Variants in MB21D2 observed in about 807,000 individuals in gnomAD.
MB21D2 encodes nucleotidyltransferase MB21D2.
MB21D2 carries 9 observed loss-of-function variants against 33.3 expected under a neutral mutation model. The observed-to-expected ratio is 0.27, with a 90% CI of 0.16 to 0.47. The LOEUF (loss-of-function observed/expected upper bound fraction) is 0.47, where lower values mean the gene tolerates loss of function less well. Ranked by LOEUF, MB21D2 falls within the 20% of genes least tolerant of loss-of-function variation. The pLI is 0.99. For synonymous variants in MB21D2, 241 were observed against 236.3 expected, an observed-to-expected ratio of 1.02 and a Z score of -0.18; for missense variants, 540 against 624.6, an observed-to-expected ratio of 0.86 and a Z score of 1.44.
At chr3:192,802,092 C>A (rs2108608549) in intron 1 of MB21D2, among the ~76,000 whole-genome samples, 1 of 152,334 alleles carries the variant, frequency 6.6e-6, no homozygotes, top group East Asian at 1.9e-4. Context: ...TGCTTAAATG[C>A]TAGCCCTTAA....
intron 1 of MB21D2, among the ~76,000 whole-genome samples, chr3:192,812,356 G>A (rs575381119): frequency 6.6e-6 from 1 of 152,056 alleles, no homozygotes; most frequent in East Asian, 1.9e-4. Flanking sequence ...TTAGTGTAGT[G>A]TTTACACTAA....
chr3:192,862,649 T>C (rs891278841), intron 1 of MB21D2, among the ~76,000 whole-genome samples: 1 of 152,162 alleles, frequency 6.6e-6, no homozygotes, highest in Non-Finnish European at 1.5e-5. Context: ...AGAGTCTTTG[T>C]AGGGTGCTCA....
intron 1 of MB21D2, among the ~76,000 whole-genome samples, chr3:192,898,485 G>A (rs555444724): frequency 1.9e-4 from 29 of 152,278 alleles, no homozygotes; most frequent in African/African-American, 6.0e-4. Context: ...GACTAGGAAG[G>A]AAAGATAAGT....
At chr3:192,812,772 G>A (rs1711816014) in intron 1 of MB21D2, among the ~76,000 whole-genome samples, 1 of 152,128 alleles carries the variant, frequency 6.6e-6, no homozygotes, top group African/African-American at 2.4e-5. Context: ...CCTCATCAGG[G>A]AAGCAGGAGA....
intron 1 of MB21D2, among the ~76,000 whole-genome samples, chr3:192,854,976 T>G (rs1712884727): frequency 6.6e-6 from 1 of 152,248 alleles, no homozygotes; most frequent in South Asian, 2.1e-4. Flanking sequence ...CTGATGGAGA[T>G]GTACAATAAA....
intron 1 of MB21D2, among the ~76,000 whole-genome samples, chr3:192,831,327 C>A (rs1712310385): frequency 6.6e-6 from 1 of 152,206 alleles, no homozygotes. Context: ...GATTTCAGCC[C>A]TGCAACCTCA....
In MB21D2 at chr3:192,917,791, T is replaced by C; in HGVS notation, c.50A>G (p.Asn17Ser). 4 of 1,613,460 alleles carry C rather than the reference T, an allele frequency of 2.5e-6. No homozygotes were observed. Among genetic ancestry groups the C allele is most frequent in the South Asian group, 2.2e-5 (2 of 91,034 alleles). The stretch of plus-strand genomic sequence containing the variant: ...CAGCTCCGGGAACGCAGGCTTGTTG[T>C]TACAGCCCAGGGAGGCTGCCTTGTT... ...TANKAASLGC[N>S]NKPAFPELDF... The change falls in exon 1 of 2, where the codon AAC (asparagine) becomes AGC (serine). Residue 17 changes from asparagine to serine, a missense_variant. Transcript: ENST00000392452.
Position 192,797,336 on chromosome 3 carries a change from C to T in MB21D2, c.*1050G>A, listed in dbSNP as rs559997443. On this transcript the variant is annotated 3_prime_UTR_variant, in exon 2 of 2. Transcript: ENST00000392452. ...TTTACAAAAAAGCTTACCTCTATGA[C>T]CCCAAAAGAAATAAATACAAAGACA... 20 of 152,670 alleles carry T rather than the reference C, an allele frequency of 1.3e-4. No homozygotes were observed. Among genetic ancestry groups the T allele is most frequent in the African/African-American group, 3.9e-4 (16 of 41,526 alleles). 9.5% of individuals were successfully genotyped at this position (152,670 alleles called of 1,614,324 possible). A position where few individuals can be genotyped will look rare whatever the true frequency, so the allele number is the denominator to read the frequency against.
chr3:192,824,837 G>GA (rs1435025174), intron 1 of MB21D2, among the ~76,000 whole-genome samples: 3 of 152,122 alleles, frequency 2.0e-5, no homozygotes, highest in Non-Finnish European at 4.4e-5. Flanking sequence ...TGTTTTTTAT[G>GA]AAATTTTTTT....
intron 1 of MB21D2, among the ~76,000 whole-genome samples, chr3:192,829,506 C>T (rs966190420): frequency 3.3e-5 from 5 of 152,148 alleles, no homozygotes; most frequent in African/African-American, 1.2e-4. Flanking sequence ...ATGTATGGAC[C>T]GGATGACATT....
At chr3:192,806,681 G>A (rs578165474) in intron 1 of MB21D2, among the ~76,000 whole-genome samples, 25 of 152,156 alleles carry the variant, frequency 1.6e-4, no homozygotes, top group South Asian at 6.2e-4. Context: ...CTCATTAACC[G>A]TAACCTAGGA....
intron 1 of MB21D2, among the ~76,000 whole-genome samples, chr3:192,916,764 A>G (rs1714475430): frequency 6.6e-6 from 1 of 152,134 alleles, no homozygotes; most frequent in Admixed American, 6.5e-5. Context: ...ATGTTTCAGG[A>G]GCCGTAGGTG....
intron 1 of MB21D2, among the ~76,000 whole-genome samples, chr3:192,843,479 G>C (rs1712615852): frequency 6.6e-6 from 1 of 152,210 alleles, no homozygotes. Flanking sequence ...TGGGACCACA[G>C]AGATGCTCAG....
At chr3:192,816,290 T>C (rs376566720) in intron 1 of MB21D2, among the ~76,000 whole-genome samples, 1 of 152,082 alleles carries the variant, frequency 6.6e-6, no homozygotes, top group African/African-American at 2.4e-5. Context: ...GATTGTGAGA[T>C]GCAAAAATCC....
intron 1 of MB21D2, among the ~76,000 whole-genome samples, chr3:192,881,722 C>A (rs1382395952): frequency 1.3e-5 from 2 of 152,204 alleles, no homozygotes; most frequent in Non-Finnish European, 2.9e-5. Context: ...TCTGGAGAAA[C>A]CTGGCGGCAC....
At chr3:192,803,113 T>C (rs908759493) in intron 1 of MB21D2, among the ~76,000 whole-genome samples, 3 of 152,198 alleles carry the variant, frequency 2.0e-5, no homozygotes, top group African/African-American at 7.2e-5. Flanking sequence ...ACAATCTTGT[T>C]TGGAGAGTCT....
At chr3:192,875,662 T>C (rs1713413948) in intron 1 of MB21D2, among the ~76,000 whole-genome samples, 1 of 152,202 alleles carries the variant, frequency 6.6e-6, no homozygotes, top group Non-Finnish European at 1.5e-5. Flanking sequence ...TACTAAATTT[T>C]TTTAGAGACA....
chr3:192,798,275 T>C lies in MB21D2; in HGVS notation c.*111A>G. ...GAACCAGGAAACTTAAAATTTGTTCTTAACAAATCCAATCTAGGCTGGATA... is the reference window on the plus strand; with the variant it reads ...GAACCAGGAAACTTAAAATTTGTTCCTAACAAATCCAATCTAGGCTGGATA... On this transcript the variant is annotated 3_prime_UTR_variant, in exon 2 of 2. Transcript: ENST00000392452. The surrounding 1 kb of genome is among the most constrained non-coding windows in gnomAD (Gnocchi z 4.8). 3 of 1,264,726 alleles carry C rather than the reference T, an allele frequency of 2.4e-6. No individual in the cohort carries two copies. The allele number at this position is 1,264,726 out of a possible 1,614,324, so 78.3% of individuals were successfully genotyped here. A position where few individuals can be genotyped will look rare whatever the true frequency, so the allele number is the denominator to read the frequency against.
chr3:192,850,692 T>C (rs1052691639), intron 1 of MB21D2, among the ~76,000 whole-genome samples: 6 of 152,136 alleles, frequency 3.9e-5, no homozygotes, highest in African/African-American at 1.4e-4. Context: ...GGGAGCCCCG[T>C]CCCGTCTCCC....
Sources: allele counts gnomAD v4.1 joint callset (sites outside exome capture counted in the v4.1 genomes callset), GRCh38; gene constraint gnomAD v4.1.1; non-coding constraint Gnocchi (gnomAD v3.1); transcripts MANE v1.5; gene names NCBI Gene and HGNC (gene_info 2026-07-23, HGNC 2026-07-21).